The following PUDP variants were observed in gnomAD, a reference collection of about 807,000 sequenced individuals.
PUDP encodes the protein pseudouridine 5'-phosphatase.
A neutral mutation model predicts 9.4 loss-of-function variants in PUDP; 8 were observed. The observed-to-expected ratio is 0.85, with a 90% CI of 0.50 to 1.53. The LOEUF is 1.53. PUDP is among the 40% of genes most tolerant of loss of function. PUDP has a pLI of 0.00. For missense variants in PUDP, 188 were observed against 189.7 expected (o/e 0.99, Z 0.05); for synonymous variants, 99 against 80.7 (o/e 1.23, Z -1.22).
At chrX:6,763,336 C>T (rs1174372671) in intron 3 of PUDP, among the ~76,000 whole-genome samples, 2 of 111,653 alleles carry the variant, frequency 1.8e-5, no homozygotes, top group Non-Finnish European at 3.8e-5. Context: ...TTGCAGTGAG[C>T]AAAGATTGCA....
rs1926502809 is a variant in PUDP at position 6,831,460 on chromosome X, C to T, written c.*248-124994G>A. ...TCCCAAAGTTAGTTTGGCTTATGTG[C>T]AGGAATGAACGAGGACAGCTTGGAG... is the stretch of plus-strand genomic sequence containing the variant. On this transcript the variant is annotated intron_variant and NMD_transcript_variant, in intron 3 of 3. Coordinates refer to the PUDP transcript ENST00000655425. Among the ~76,000 whole-genome samples the T allele has an allele frequency of 1.8e-5, 2 of 112,110 alleles. 1 individual carries two copies. The highest frequency in any genetic ancestry group is 3.8e-5 in the Non-Finnish European group (2 of 53,221).
chrX:7,131,956 G>A (rs1932630789), intron 1 of PUDP, among the ~76,000 whole-genome samples: 1 of 109,677 alleles, frequency 9.1e-6, no homozygotes, highest in Non-Finnish European at 1.9e-5. Context: ...TTTGGGATGC[G>A]TTTGCTCTGC....
chrX:6,944,913 C>T (rs1337159481), intron 3 of PUDP, among the ~76,000 whole-genome samples: 1 of 111,791 alleles, frequency 8.9e-6, no homozygotes, highest in Admixed American at 9.5e-5. Context: ...CCCTCCTTAT[C>T]CGATCACAAA....
intron 1 of PUDP, among the ~76,000 whole-genome samples, chrX:7,117,862 G>A (rs1231067083): frequency 8.8e-6 from 1 of 113,158 alleles, no homozygotes; most frequent in Non-Finnish European, 1.9e-5. Flanking sequence ...CCAGGGCCCA[G>A]CTGCCTCAGG....
chrX:6,897,961 T>C (rs1015309642), intron 3 of PUDP, among the ~76,000 whole-genome samples: 2 of 112,287 alleles, frequency 1.8e-5, no homozygotes, highest in Non-Finnish European at 3.8e-5. Flanking sequence ...AGGTTTCACA[T>C]AGAAGATGAG....
intron 1 of PUDP, among the ~76,000 whole-genome samples, chrX:7,005,435 G>C (rs1479165413): frequency 9.2e-6 from 1 of 108,893 alleles, no homozygotes; most frequent in Non-Finnish European, 1.9e-5. Flanking sequence ...TTGGAGACAG[G>C]GTCTGGCTCT....
intron 3 of PUDP, among the ~76,000 whole-genome samples, chrX:6,752,065 G>C (rs1392103135): frequency 9.0e-6 from 1 of 110,813 alleles, no homozygotes; most frequent in Non-Finnish European, 1.9e-5. Context: ...TTCTCAAATT[G>C]TTTCCCCAAG....
intron 3 of PUDP, among the ~76,000 whole-genome samples, chrX:6,770,470 C>G (rs746977033): frequency 8.9e-6 from 1 of 112,195 alleles, no homozygotes; most frequent in Non-Finnish European, 1.9e-5. Flanking sequence ...AGCCAGAAGC[C>G]TTGGTTTTTT....
intron 1 of PUDP, among the ~76,000 whole-genome samples, chrX:7,038,493 G>A (rs1929881713): frequency 8.9e-6 from 1 of 112,028 alleles, no homozygotes; most frequent in African/African-American, 3.2e-5. Flanking sequence ...ATTAGGTGAA[G>A]TGTGTAGATT....
At chrX:6,707,859 T>C (rs892834828) in intron 1 of PUDP, among the ~76,000 whole-genome samples, 1 of 111,992 alleles carries the variant, frequency 8.9e-6, no homozygotes, top group Admixed American at 9.5e-5. Context: ...AAACACAATT[T>C]AATGGCAGCC....
At chrX:7,145,634 C>T (rs1932843363) in intron 1 of PUDP, among the ~76,000 whole-genome samples, 1 of 108,939 alleles carries the variant, frequency 9.2e-6, no homozygotes, top group African/African-American at 3.4e-5. Context: ...CTAACAGCAT[C>T]GTGCATGTCA....
At chrX:7,014,038 T>A (rs1393355402) in intron 1 of PUDP, among the ~76,000 whole-genome samples, 3 of 110,316 alleles carry the variant, frequency 2.7e-5, no homozygotes, top group Admixed American at 1.9e-4. Flanking sequence ...GAAGGGGGAA[T>A]GGAGTGAGAA....
chrX:6,933,433 TAGAA>T (rs1011062314), intron 3 of PUDP, among the ~76,000 whole-genome samples: 7 of 111,017 alleles, frequency 6.3e-5, no homozygotes, highest in Non-Finnish European at 1.3e-4. Flanking sequence ...TCCTGTCTGT[TAGAA>T]GGAAAACTAA....
chrX:7,027,404 A>C (rs992242037), intron 1 of PUDP, among the ~76,000 whole-genome samples: 1 of 109,992 alleles, frequency 9.1e-6, no homozygotes, highest in Non-Finnish European at 1.9e-5. Flanking sequence ...GATTTTTCTG[A>C]GCTTATCCTA....
chrX:6,995,948 T>A (rs1929244713), intron 1 of PUDP, among the ~76,000 whole-genome samples: 1 of 108,061 alleles, frequency 9.3e-6, no homozygotes, highest in Admixed American at 1.0e-4. Context: ...GCTACCACTG[T>A]CTTTTCCATC....
At chrX:6,827,175 A>G (rs1926435774) in intron 3 of PUDP, among the ~76,000 whole-genome samples, 1 of 112,150 alleles carries the variant, frequency 8.9e-6, no homozygotes, top group Admixed American at 9.4e-5. Flanking sequence ...CAGTGTTGTT[A>G]GTGTAAATCC....
intron 3 of PUDP, among the ~76,000 whole-genome samples, chrX:6,734,761 C>A (rs893261666): frequency 6.3e-5 from 7 of 111,399 alleles, no homozygotes; most frequent in Non-Finnish European, 1.1e-4. Flanking sequence ...CACAGTGAGA[C>A]CCTGTCTCTA....
chrX:6,984,290 G>T (rs759330351), intron 1 of PUDP, among the ~76,000 whole-genome samples: 4 of 111,905 alleles, frequency 3.6e-5, no homozygotes, highest in South Asian at 7.6e-4. Flanking sequence ...TGAGTATGGG[G>T]TTTATTTTGG....
chrX:7,133,635 G>A (rs1932675008), intron 1 of PUDP, among the ~76,000 whole-genome samples: 3 of 111,486 alleles, frequency 2.7e-5, no homozygotes, highest in Non-Finnish European at 5.7e-5. Context: ...GAGTGAGTTC[G>A]GCAAACACAG....
Sources: allele counts gnomAD v4.1 joint callset (sites outside exome capture counted in the v4.1 genomes callset), GRCh38; gene constraint gnomAD v4.1.1; transcripts MANE v1.5; gene names NCBI Gene and HGNC (gene_info 2026-07-23, HGNC 2026-07-21).